BCL11B: variants seen among roughly 807,000 people sequenced by gnomAD.
BCL11B encodes BCL11 transcription factor B, also known as B-cell lymphoma/leukemia 11B.
A neutral mutation model predicts 49.9 loss-of-function variants in BCL11B; 8 were observed. The ratio of observed to expected loss-of-function variants is 0.16; its 90% CI spans 0.09 to 0.29. The LOEUF (loss-of-function observed/expected upper bound fraction) is 0.29, where lower values mean the gene tolerates loss of function less well. Among genes scored for constraint, BCL11B ranks in the 10% least tolerant of loss-of-function variants. The pLI, the probability that BCL11B is intolerant of heterozygous loss-of-function variation, is 1.00. For missense variants in BCL11B, 1,006 were observed against 1,351.0 expected (o/e 0.74, Z 4.00); for synonymous variants, 739 against 637.4 (o/e 1.16, Z -2.40).
chr14:99,176,323 A>G (rs1886529463), intron 3 of BCL11B, 128 bp from the exon 4 acceptor site: 2 of 838,398 alleles, frequency 2.4e-6, no homozygotes, highest in East Asian at 3.0e-5. Context: ...CCTGCCTGAC[A>G]GGGGCTGCAG....
chr14:99,174,693 A>G lies in BCL11B; in HGVS notation c.2143T>C (p.Tyr715His). 1 of 1,571,716 alleles carries G rather than the reference A, an allele frequency of 6.4e-7. No individual in the cohort carries two copies. The highest frequency in any genetic ancestry group is 8.6e-7 in the Non-Finnish European group (1 of 1,161,240). The change falls in exon 4 of 4, where the codon TAC (tyrosine) becomes CAC (histidine). Residue 715 changes from tyrosine to histidine, a missense_variant. Physicochemically the swap from Tyr to His is moderately conservative, Grantham distance 83 (BLOSUM62 2). Around this residue, in one of 6 missense-constraint regions of BCL11B, gnomAD observed 443 missense variants for 499.7 expected, o/e 0.89. Coordinates refer to ENST00000357195, the MANE Select transcript of BCL11B (RefSeq NM_138576.4). The part of the protein sequence containing the change: ...ENVYSQWLVG[Y>H]AASRHFMKDP... Reference sequence around the variant, plus strand: ...TTCATGAAGTGCCGCGACGCCGCGTAGCCCACCAGCCACTGCGAGTACACG... The same window carrying G: ...TTCATGAAGTGCCGCGACGCCGCGTGGCCCACCAGCCACTGCGAGTACACG...
At chr14:99,217,395 C>CAG (rs1887881857) in intron 3 of BCL11B, among the ~76,000 whole-genome samples, 1 of 150,622 alleles carries the variant, frequency 6.6e-6, no homozygotes, top group South Asian at 2.1e-4. Flanking sequence ...GACACACACA[C>CAG]ACACACACAC....
At position 99,169,792 on chromosome 14, in the gene BCL11B, G is replaced by T. The variant is rs1595208804; in HGVS notation, c.*4359C>A. ...GCTGACGGTTACTTAGGACCGGGAT[G>T]AAAGGCTGATTTCCTTACTTTTCAC... On this transcript the variant is annotated 3_prime_UTR_variant, in exon 4 of 4. Coordinates refer to ENST00000357195, the MANE Select transcript of BCL11B (RefSeq NM_138576.4). 8.8e-6 allele frequency: 2 copies of T among 226,204 alleles called. No homozygotes were observed. Among genetic ancestry groups the T allele is most frequent in the East Asian group, 1.3e-4 (2 of 15,684 alleles). The allele number at this position is 226,204 out of a possible 1,614,324, so 14.0% of individuals were successfully genotyped here.
At chr14:99,215,418 GGC>G (rs1887805811) in intron 3 of BCL11B, among the ~76,000 whole-genome samples, 1 of 152,224 alleles carries the variant, frequency 6.6e-6, no homozygotes, top group African/African-American at 2.4e-5. Flanking sequence ...TTCTCCATGG[GGC>G]GCAACAGTGC....
Position 99,170,634 on chromosome 14 carries a change from G to T in BCL11B, c.*3517C>A, listed in dbSNP as rs926026084. 7 of 233,036 alleles carry T rather than the reference G, an allele frequency of 3.0e-5. No individual in the cohort carries two copies. The highest frequency in any genetic ancestry group is 1.5e-4 in the African/African-American group (7 of 45,304). The allele number at this position is 233,036 out of a possible 1,614,324, so 14.4% of individuals were successfully genotyped here. On this transcript the variant is annotated 3_prime_UTR_variant, in exon 4 of 4. Coordinates refer to ENST00000357195, the MANE Select transcript of BCL11B (RefSeq NM_138576.4). Reference sequence around the variant, plus strand: ...AGAGGAAACGCAGGGGAAGGAGAGAGAACGAGATATGGAAAGGCACCAAAT... The same window carrying T: ...AGAGGAAACGCAGGGGAAGGAGAGATAACGAGATATGGAAAGGCACCAAAT...
intron 3 of BCL11B, among the ~76,000 whole-genome samples, chr14:99,222,045 C>A (rs1166356849): frequency 6.6e-6 from 1 of 152,164 alleles, no homozygotes; most frequent in Non-Finnish European, 1.5e-5. Context: ...GTAAAAGTGG[C>A]CAGCCTTGAT....
Position 99,174,479 on chromosome 14 carries a change from C to A in BCL11B, c.2357G>T (p.Arg786Leu). The change falls in exon 4 of 4, where the codon CGG (arginine) becomes CTG (leucine). Residue 786 changes from arginine to leucine, a missense_variant. Transcript: ENST00000357195. ...GCGGCGGCCCTCCTTGGAGCTGGGC[C>A]GCCCGGGGCCCGGGCCGCCCAGGTG... Reference protein sequence around the residue: ...TPHLGGPGPGRPSSKEGRRSD... With the variant: ...TPHLGGPGPGLPSSKEGRRSD... 2 of 1,582,144 alleles carry A rather than the reference C, an allele frequency of 1.3e-6. No individual in the cohort carries two copies. Among genetic ancestry groups the A allele is most frequent in the East Asian group, 2.4e-5 (1 of 42,372 alleles).
intron 2 of BCL11B, among the ~76,000 whole-genome samples, chr14:99,240,460 G>A (rs1888629685): frequency 6.6e-6 from 1 of 152,032 alleles, no homozygotes; most frequent in African/African-American, 2.4e-5. Context: ...TCTTTTCTAT[G>A]GCCTCTTTAT....
rs942870132 is a variant in BCL11B at position 99,184,575 on chromosome 14, C to T, written c.641-8380G>A. ...AAGTGGCAGAGTCAAGATGCACACC[C>T]GGGTCCGTCTGACCCCAGAGCGTGT... On this transcript the variant is annotated intron_variant, in intron 3 of 3. Transcript: ENST00000357195. The surrounding 1 kb of genome is among the most constrained non-coding windows in gnomAD (Gnocchi z 6.1). Among the ~76,000 whole-genome samples the T allele has an allele frequency of 5.9e-5, 9 of 151,266 alleles. No homozygotes were observed. The highest frequency in any genetic ancestry group is 1.5e-4 in the African/African-American group (6 of 40,696).
In BCL11B at chr14:99,231,416, G is replaced by A. The variant is rs765692050; in HGVS notation, c.569C>T (p.Pro190Leu). 18 of 1,596,702 alleles carry A rather than the reference G, an allele frequency of 1.1e-5. No individual in the cohort carries two copies. Among genetic ancestry groups the A allele is most frequent in the South Asian group, 2.3e-5 (2 of 88,604 alleles). The change falls in exon 3 of 4, where the codon CCG (proline) becomes CTG (leucine). Residue 190 changes from proline to leucine, a missense_variant. Physicochemically the swap from Pro to Leu is moderately conservative, Grantham distance 98. This residue lies in a region of BCL11B where 411 missense variants were observed against 542.2 expected (regional missense o/e 0.76). Transcript: ENST00000357195. The surrounding 1 kb of genome is among the most constrained non-coding windows in gnomAD (Gnocchi z 8.1). ...CLPLPCCSARPVSGDGTQGEG... is the reference protein window; with the variant it reads ...CLPLPCCSARLVSGDGTQGEG... The stretch of plus-strand genomic sequence containing the variant: ...ACCCTGAGTCCCGTCACCCGAGACC[G>A]GGCGCGCGCTGCAGCACGGCAGGGG...
At chr14:99,234,683 T>C (rs1227423300) in intron 2 of BCL11B, among the ~76,000 whole-genome samples, 1 of 152,038 alleles carries the variant, frequency 6.6e-6, no homozygotes, top group African/African-American at 2.4e-5. Flanking sequence ...AAACGGTCAC[T>C]ATCATTCTCT....
At chr14:99,254,112 TG>T (rs1375491308) in intron 2 of BCL11B, among the ~76,000 whole-genome samples, 1 of 152,168 alleles carries the variant, frequency 6.6e-6, no homozygotes, top group Non-Finnish European at 1.5e-5. Context: ...CTCCCTCCTC[TG>T]GGGGCTGTTT....
At chr14:99,222,250 C>A (rs964829692) in intron 3 of BCL11B, among the ~76,000 whole-genome samples, 1 of 109,272 alleles carries the variant, frequency 9.2e-6, no homozygotes, top group African/African-American at 3.6e-5. Flanking sequence ...TTCTTTCGCT[C>A]CCCAGTGGGG....
At position 99,272,089 on chromosome 14, in the gene BCL11B, G is replaced by C. The variant is rs1889706877; in HGVS notation, c.-871C>G. 6.6e-6 allele frequency among the ~76,000 whole-genome samples: 1 copy of C among 151,956 alleles called. No individual in the cohort carries two copies. The highest frequency in any genetic ancestry group is 2.1e-4 in the South Asian group (1 of 4,820). The stretch of plus-strand genomic sequence containing the variant: ...CCGGGGGGAGCGGGGCGGAGGGGCG[G>C]CTCGCCCAGTGCGCCTGGGTCGGTG... On this transcript the variant is annotated 5_prime_UTR_variant, in exon 1 of 4. Coordinates refer to ENST00000357195, the MANE Select transcript of BCL11B (RefSeq NM_138576.4). The surrounding 1 kb of genome is among the most constrained non-coding windows in gnomAD (Gnocchi z 6.0).
At chr14:99,238,765 T>C (rs1485344458) in intron 2 of BCL11B, among the ~76,000 whole-genome samples, 1 of 152,180 alleles carries the variant, frequency 6.6e-6, no homozygotes, top group African/African-American at 2.4e-5. Context: ...GCCGGGACGC[T>C]GATCATTCCT....
intron 3 of BCL11B, among the ~76,000 whole-genome samples, chr14:99,209,650 A>G (rs905849064): frequency 1.3e-5 from 2 of 152,152 alleles, no homozygotes; most frequent in African/African-American, 2.4e-5. Context: ...AGCCAGGGCC[A>G]TGGCTGCAGG....
intron 2 of BCL11B, among the ~76,000 whole-genome samples, chr14:99,253,761 C>G (rs1368867200): frequency 6.6e-6 from 1 of 152,182 alleles, no homozygotes; most frequent in Non-Finnish European, 1.5e-5. Context: ...TGGAACACCT[C>G]TCAGCTCCCC....
intron 2 of BCL11B, among the ~76,000 whole-genome samples, chr14:99,255,560 G>A (rs2139948712): frequency 6.6e-6 from 1 of 152,268 alleles, no homozygotes; most frequent in African/African-American, 2.4e-5. Flanking sequence ...GCCTCTCATT[G>A]GGAAATGCCT....
intron 2 of BCL11B, among the ~76,000 whole-genome samples, chr14:99,233,222 T>C (rs1888387879): frequency 6.6e-6 from 1 of 152,154 alleles, no homozygotes; most frequent in African/African-American, 2.4e-5. Flanking sequence ...AATCCCTATG[T>C]AGGCCTTCCC....
Sources: gnomAD v4.1 joint callset for allele counts (sites outside exome capture counted in the v4.1 genomes callset) on GRCh38, gnomAD v4.1.1 for gene constraint, gnomAD v4.1.1 regional missense constraint, Gnocchi (gnomAD v3.1) non-coding constraint, MANE v1.5 for transcripts, NCBI Gene and HGNC (gene_info 2026-07-23, HGNC 2026-07-21) for gene names.